FAT3: variants seen among roughly 807,000 people sequenced by gnomAD.
FAT3 encodes FAT atypical cadherin 3.
A neutral mutation model predicts 310.2 loss-of-function variants in FAT3; 95 were observed. The ratio of observed to expected loss-of-function variants is 0.31; its 90% confidence interval spans 0.26 to 0.36. The LOEUF is 0.36. Among genes scored for constraint, FAT3 ranks in the 10% least tolerant of loss-of-function variants. The probability of loss-of-function intolerance (pLI) is 1.00; values close to 1 mark genes in which losing one functional copy is unlikely to be tolerated. For missense variants in FAT3, 5,408 were observed against 5,715.6 expected (o/e 0.95, Z 1.74); for synonymous variants, 2,314 against 2,192.9 (o/e 1.06, Z -1.54).
At chr11:92,646,732 A>C (rs897670500) in intron 3 of FAT3, among the ~76,000 whole-genome samples, 4 of 152,184 alleles carry the variant, frequency 2.6e-5, no homozygotes, top group Non-Finnish European at 5.9e-5. Flanking sequence ...AAGGTACTGG[A>C]GAAGAGTATT....
At chr11:92,336,353 G>A (rs974610403) in intron 1 of FAT3, 41 of 384,950 alleles carry the variant, frequency 1.1e-4, no homozygotes, top group Middle Eastern at 6.8e-4. Context: ...TCAGTTCCGG[G>A]GGCTGTTTTC....
chr11:92,300,974 C>A (rs1946983971), intron 1 of FAT3, among the ~76,000 whole-genome samples: 1 of 152,156 alleles, frequency 6.6e-6, no homozygotes, highest in African/African-American at 2.4e-5. Flanking sequence ...CATTTAACTT[C>A]TTCCACATTT....
At chr11:92,558,547 G>C (rs565390770) in intron 3 of FAT3, among the ~76,000 whole-genome samples, 59 of 152,174 alleles carry the variant, frequency 3.9e-4, no homozygotes, top group African/African-American at 1.4e-3. Flanking sequence ...ATTTGTCTCT[G>C]GCATGAAGCA....
chr11:92,579,652 A>T (rs1938680908), intron 3 of FAT3, among the ~76,000 whole-genome samples: 1 of 152,094 alleles, frequency 6.6e-6, no homozygotes, highest in Non-Finnish European at 1.5e-5. Context: ...GCTACTGGGC[A>T]TATTAATAGG....
At chr11:92,664,045 C>T (rs563632127) in intron 3 of FAT3, among the ~76,000 whole-genome samples, 1 of 152,198 alleles carries the variant, frequency 6.6e-6, no homozygotes, top group East Asian at 1.9e-4. Context: ...CACACAAAAC[C>T]GTGAGTGGTC....
chr11:92,480,300 C>T (rs571359875), intron 2 of FAT3, among the ~76,000 whole-genome samples: 5 of 152,150 alleles, frequency 3.3e-5, no homozygotes, highest in African/African-American at 1.2e-4. Context: ...GCCAAGCATG[C>T]AAACTTTAAA....
rs765641842 is a variant in FAT3 at position 92,524,896 on chromosome 11, C to G, written c.3555C>G (p.Tyr1185Ter). 1 of 1,613,886 alleles carries G rather than the reference C, an allele frequency of 6.2e-7. No homozygotes were observed. ...PDSSSNEKLT[Y>*]RITSGNPQNF... ...CCAGTTCCAATGAAAAACTGACATACAGGATTACAAGTGGAAATCCTCAGA... is the reference window on the plus strand; with the variant it reads ...CCAGTTCCAATGAAAAACTGACATAGAGGATTACAAGTGGAAATCCTCAGA... Residue 1185 changes from tyrosine to a stop codon, truncating the protein, a stop_gained, in exon 3 of 28, where the codon TAC becomes TAG. Coordinates refer to ENST00000525166, the MANE Select transcript of FAT3 (RefSeq NM_001367949.2). LOFTEE classifies it high-confidence loss of function.
chr11:92,872,637 A>G (rs542490619), intron 22 of FAT3, among the ~76,000 whole-genome samples: 1 of 152,354 alleles, frequency 6.6e-6, no homozygotes, highest in Non-Finnish European at 1.5e-5. Context: ...GATACATACT[A>G]GAAGGTGAGA....
Position 92,353,945 on chromosome 11 carries a change from A to C in FAT3, c.1833A>C (p.Val611=). The C allele has an allele frequency of 6.2e-7, 1 of 1,612,260 alleles. No individual in the cohort carries two copies. The highest frequency in any genetic ancestry group is 8.5e-7 in the Non-Finnish European group (1 of 1,178,570). ...SAIDIDELEL[V]KYKIISGNEL... Reference sequence around the variant, plus strand: ...TCGATATCGATGAACTTGAACTTGTAAAGTACAAAATCATTTCTGGAAATG... The same window carrying C: ...TCGATATCGATGAACTTGAACTTGTCAAGTACAAAATCATTTCTGGAAATG... Residue 611 remains valine (V), a synonymous_variant, in exon 2 of 28, where the codon GTA becomes GTC. Coordinates refer to ENST00000525166, the MANE Select transcript of FAT3 (RefSeq NM_001367949.2).
intron 1 of FAT3, among the ~76,000 whole-genome samples, chr11:92,261,193 A>G (rs1315369870): frequency 6.6e-6 from 1 of 152,158 alleles, no homozygotes; most frequent in Non-Finnish European, 1.5e-5. Context: ...GTTTCTTCAC[A>G]GGAGGAATTT....
intron 1 of FAT3, among the ~76,000 whole-genome samples, chr11:92,255,712 G>C (rs963920485): frequency 1.3e-5 from 2 of 152,150 alleles, no homozygotes; most frequent in Non-Finnish European, 2.9e-5. Context: ...GGGGATAAGA[G>C]TAACACCTGC....
At chr11:92,706,953 G>A (rs577787593) in intron 4 of FAT3, among the ~76,000 whole-genome samples, 65 of 152,224 alleles carry the variant, frequency 4.3e-4, no homozygotes, top group African/African-American at 1.6e-3. Flanking sequence ...TGGATCTTTG[G>A]GGTACCTCAA....
chr11:92,883,270 C>G lies in FAT3; in HGVS notation c.12814C>G (p.Arg4272Gly), dbSNP rs1438591331. The G allele has an allele frequency of 6.2e-7, 1 of 1,612,810 alleles. No homozygotes were observed. The highest frequency in any genetic ancestry group is 1.1e-5 in the South Asian group (1 of 91,080). Residue 4272 changes from arginine to glycine, a missense_variant, in exon 24 of 28, where the codon CGC (arginine) becomes GGC (glycine). Physicochemically the swap from Arg to Gly is moderately radical, Grantham distance 125 (BLOSUM62 -2). Coordinates refer to ENST00000525166, the MANE Select transcript of FAT3 (RefSeq NM_001367949.2). This position sits in a 1 kb window ranked among gnomAD's most constrained non-coding sequence, Gnocchi z 4.2. Reference sequence around the variant, plus strand: ...GACCACGTTTCACCCTGAGTCGCCCCGCATCCTGACAGCCCGGCGGGGCGT... The same window carrying G: ...GACCACGTTTCACCCTGAGTCGCCCGGCATCCTGACAGCCCGGCGGGGCGT... ...EMTTFHPESP[R>G]ILTARRGVVV... is the part of the protein sequence containing the mutation.
intron 4 of FAT3, among the ~76,000 whole-genome samples, chr11:92,726,801 A>G (rs1463663290): frequency 2.6e-5 from 4 of 151,624 alleles, no homozygotes; most frequent in Non-Finnish European, 5.9e-5. Flanking sequence ...AGATTTGTCA[A>G]CTCAGTAGCA....
intron 4 of FAT3, among the ~76,000 whole-genome samples, chr11:92,713,163 C>T (rs888159067): frequency 3.9e-5 from 6 of 152,152 alleles, no homozygotes; most frequent in Non-Finnish European, 8.8e-5. Context: ...AGAAATCATA[C>T]GTGAAACTTT....
chr11:92,832,176 A>T lies in FAT3; in HGVS notation c.9871+165A>T, dbSNP rs997067443. Reference sequence around the variant, plus strand: ...TGAGACCCTGTCTCTACAAAAATTTAAAAAAATATATTAGCCAAGCATGGT... The same window carrying T: ...TGAGACCCTGTCTCTACAAAAATTTTAAAAAATATATTAGCCAAGCATGGT... On this transcript the variant is annotated intron_variant, in intron 14 of 27. Transcript: ENST00000525166. Among the ~76,000 whole-genome samples the T allele has an allele frequency of 5.5e-4, 83 of 152,122 alleles. 1 individual carries two copies. Among genetic ancestry groups the T allele is most frequent in the Non-Finnish European group, 1.1e-3 (72 of 67,990 alleles).
In FAT3 at chr11:92,830,479, C is replaced by T. The variant is rs141171764; in HGVS notation, c.9482-1143C>T. ...GATGGAGTATTCCAGGCTCACTGAC[C>T]CTTAGATTTCTTTTTTTCCCTCTAT... On this transcript the variant is annotated intron_variant, in intron 13 of 27. Coordinates refer to ENST00000525166, the MANE Select transcript of FAT3 (RefSeq NM_001367949.2). Among the ~76,000 whole-genome samples the T allele has an allele frequency of 8.9e-3, 1,349 of 152,196 alleles. 32 individuals carry two copies. The highest frequency in any genetic ancestry group is 0.031 in the African/African-American group (1,288 of 41,528).
chr11:92,692,962 GAAGTCATCCTTAC>G (rs1943838537), intron 3 of FAT3, among the ~76,000 whole-genome samples: 1 of 152,212 alleles, frequency 6.6e-6, no homozygotes, highest in African/African-American at 2.4e-5. Context: ...TCAGGGAAAA[GAAGTCATCCTTAC>G]AAGTATCACT....
intron 1 of FAT3, among the ~76,000 whole-genome samples, chr11:92,301,580 C>G (rs1486848239): frequency 6.6e-6 from 1 of 152,114 alleles, no homozygotes; most frequent in African/African-American, 2.4e-5. Context: ...GCAGAGCCAG[C>G]TTTGCTAGAT....
Sources: gnomAD v4.1 joint callset for allele counts (sites outside exome capture counted in the v4.1 genomes callset) on GRCh38, gnomAD v4.1.1 for gene constraint, Gnocchi (gnomAD v3.1) non-coding constraint, MANE v1.5 for transcripts, NCBI Gene and HGNC (gene_info 2026-07-23, HGNC 2026-07-21) for gene names.